The following PACRG variants were observed in gnomAD, a reference collection of about 807,000 sequenced individuals.
PACRG encodes the protein parkin coregulated.
In PACRG, 29 loss-of-function variants were observed where a neutral mutation model predicts 29.7. The observed-to-expected ratio is 0.98, with a 90% CI of 0.73 to 1.33. The LOEUF (loss-of-function observed/expected upper bound fraction) is 1.33. PACRG is among the 40% of genes most tolerant of loss of function. The probability of loss-of-function intolerance (pLI) is 0.00; values close to 1 mark genes in which losing one functional copy is unlikely to be tolerated. For missense variants in PACRG, 279 were observed against 316.2 expected, an observed-to-expected ratio of 0.88 and a Z score of 0.89; for synonymous variants, 116 against 118.7, an observed-to-expected ratio of 0.98 and a Z score of 0.15.
chr6:163,094,526 G>A (rs760684340), intron 4 of PACRG, among the ~76,000 whole-genome samples: 6 of 152,190 alleles, frequency 3.9e-5, no homozygotes, highest in Middle Eastern at 3.2e-3. Context: ...TGGAAGATCC[G>A]TGTAGGGGTC....
intron 4 of PACRG, among the ~76,000 whole-genome samples, chr6:163,196,797 T>TAGAC (rs749350609): frequency 2.9e-4 from 44 of 151,502 alleles, no homozygotes; most frequent in Middle Eastern, 3.2e-3. Flanking sequence ...ACAGAAAGAC[T>TAGAC]AGACAGACAG....
rs577017000 is a variant in PACRG at position 162,868,751 on chromosome 6, C to T, written c.291+54470C>T. Among the ~76,000 whole-genome samples, 38 of 152,292 alleles carry T rather than the reference C, an allele frequency of 2.5e-4. 1 individual carries two copies. In the South Asian group the frequency reaches 5.2e-3, roughly 21 times the overall value. On this transcript the variant is annotated intron_variant, in intron 2 of 4. Transcript: ENST00000366888. ...TGCGCACAGGGTCTGCCGCGGGATG[C>T]CCTGTCTTTCCTGTAGATGGGGAAT...
chr6:163,032,545 A>G (rs1480152916), intron 2 of PACRG, among the ~76,000 whole-genome samples: 4 of 152,250 alleles, frequency 2.6e-5, no homozygotes, highest in South Asian at 4.1e-4. Context: ...TTTGTGGCAT[A>G]CAATAATTCA....
intron 2 of PACRG, among the ~76,000 whole-genome samples, chr6:162,961,552 C>T (rs1283448778): frequency 6.6e-6 from 1 of 152,100 alleles, no homozygotes; most frequent in African/African-American, 2.4e-5. Flanking sequence ...AATCTAGTAC[C>T]AAAGTCTTCA....
chr6:162,847,533 T>C (rs958619819), intron 2 of PACRG, among the ~76,000 whole-genome samples: 14 of 150,968 alleles, frequency 9.3e-5, no homozygotes, highest in African/African-American at 3.4e-4. Context: ...GTGTGTATTG[T>C]TGAATGGATA....
chr6:162,985,948 C>T (rs1005025549), intron 2 of PACRG, among the ~76,000 whole-genome samples: 10 of 145,394 alleles, frequency 6.9e-5, no homozygotes, highest in African/African-American at 2.5e-4. Flanking sequence ...AACTCAACCC[C>T]TTTCACAATA....
rs189618615 is a variant in PACRG, at chr6:162,783,478, C to T, written c.157-30669C>T. 2.0e-4 allele frequency among the ~76,000 whole-genome samples: 31 copies of T among 152,072 alleles called. 1 individual carries two copies. The East Asian group carries it at 5.6e-3, about 27-fold the overall frequency. ...TGCTACTGGCAAAATGAAATTATAACTGCTGTTTTTCATTTATCATTATGT... is the reference window on the plus strand; with the variant it reads ...TGCTACTGGCAAAATGAAATTATAATTGCTGTTTTTCATTTATCATTATGT... On this transcript the variant is annotated intron_variant, in intron 1 of 4. Transcript: ENST00000366888.
chr6:162,811,412 A>C (rs140552033), intron 1 of PACRG, among the ~76,000 whole-genome samples: 295 of 152,284 alleles, frequency 1.9e-3, no homozygotes, highest in African/African-American at 6.7e-3. Flanking sequence ...TCCTCAGAAA[A>C]TACATGTTAC....
At chr6:163,175,669 T>C (rs1317742915) in intron 4 of PACRG, among the ~76,000 whole-genome samples, 1 of 151,478 alleles carries the variant, frequency 6.6e-6, no homozygotes, top group Non-Finnish European at 1.5e-5. Context: ...GAACCAGGGT[T>C]TCCTGAGGCC....
At chr6:162,786,843 A>C (rs1010661170) in intron 1 of PACRG, among the ~76,000 whole-genome samples, 6 of 152,144 alleles carry the variant, frequency 3.9e-5, no homozygotes, top group Non-Finnish European at 5.9e-5. Flanking sequence ...TAGAGTCATA[A>C]ATTTTTTCAG....
intron 2 of PACRG, among the ~76,000 whole-genome samples, chr6:162,959,983 G>A (rs58373686): frequency 0.16 from 23,695 of 152,042 alleles, 3,246 homozygotes; most frequent in African/African-American, 0.36. Flanking sequence ...AGACATACAA[G>A]CAGCCAACAA....
intron 4 of PACRG, among the ~76,000 whole-genome samples, chr6:163,253,637 A>G (rs1782994211): frequency 6.6e-6 from 1 of 152,202 alleles, no homozygotes; most frequent in Non-Finnish European, 1.5e-5. Context: ...TACCCTAGAA[A>G]GAATGTTCCC....
intron 1 of PACRG, among the ~76,000 whole-genome samples, chr6:162,784,581 A>G (rs1477387463): frequency 6.6e-6 from 1 of 152,150 alleles, no homozygotes; most frequent in African/African-American, 2.4e-5. Flanking sequence ...CTGTTTTTCT[A>G]AGACAGAAAT....
At chr6:162,903,860 C>T (rs1795746734) in intron 2 of PACRG, among the ~76,000 whole-genome samples, 2 of 152,156 alleles carry the variant, frequency 1.3e-5, no homozygotes, top group African/African-American at 2.4e-5. Flanking sequence ...TCAGGGTGGG[C>T]CCCTGTATCA....
At chr6:162,813,444 G>T (rs772640285) in intron 1 of PACRG, among the ~76,000 whole-genome samples, 9 of 151,948 alleles carry the variant, frequency 5.9e-5, no homozygotes, top group Non-Finnish European at 1.2e-4. Context: ...AGATTTAAAA[G>T]ATGTATTCAT....
rs558045458 is a variant in PACRG at position 162,783,813 on chromosome 6, C to CT, written c.157-30333dup. On this transcript the variant is annotated intron_variant, in intron 1 of 4. Transcript: ENST00000366888. ...GTATTGTACTTGATTTGGAGTCCCT[C>CT]TAACAGCATATAAGTGTATTTCTTT... 5.6e-3 allele frequency among the ~76,000 whole-genome samples: 856 copies of CT among 152,192 alleles called. 7 individuals are homozygous for CT. The highest frequency in any genetic ancestry group is 0.01 in the Non-Finnish European group (696 of 67,950).
intron 4 of PACRG, among the ~76,000 whole-genome samples, chr6:163,290,034 A>G (rs1784534144): frequency 6.6e-6 from 1 of 151,838 alleles, no homozygotes; most frequent in South Asian, 2.1e-4. Context: ...TTTAGTAGAG[A>G]CTGGGTTGGT....
At chr6:163,131,369 G>A (rs1816734681) in intron 4 of PACRG, among the ~76,000 whole-genome samples, 1 of 151,596 alleles carries the variant, frequency 6.6e-6, no homozygotes, top group African/African-American at 2.4e-5. Flanking sequence ...CACACAGAGG[G>A]AAGATGACAT....
intron 1 of PACRG, among the ~76,000 whole-genome samples, chr6:162,761,585 T>C (rs1782360856): frequency 6.6e-6 from 1 of 152,074 alleles, no homozygotes; most frequent in Non-Finnish European, 1.5e-5. Context: ...AGGTGGAGAA[T>C]TTGAGTCACA....
Sources: allele counts gnomAD v4.1 joint callset (sites outside exome capture counted in the v4.1 genomes callset), GRCh38; gene constraint gnomAD v4.1.1; transcripts MANE v1.5; gene names NCBI Gene and HGNC (gene_info 2026-07-23, HGNC 2026-07-21).